The following GPR158 variants were observed in gnomAD, a reference collection of about 807,000 sequenced individuals.
GPR158 encodes the protein metabotropic glycine receptor.
In GPR158, 30 loss-of-function variants were observed where a neutral mutation model predicts 78.2. That is an observed-to-expected ratio of 0.38 (90% CI 0.29 to 0.52). The LOEUF is 0.52. Among genes scored for constraint, GPR158 ranks in the 20% least tolerant of loss-of-function variants. GPR158 has a pLI of 0.83. For missense variants in GPR158, 1,463 were observed against 1,523.5 expected (o/e 0.96, Z 0.66); for synonymous variants, 581 against 591.1 (o/e 0.98, Z 0.25).
intron 1 of GPR158, among the ~76,000 whole-genome samples, chr10:25,192,624 G>A (rs1351915052): frequency 1.3e-5 from 2 of 152,176 alleles, no homozygotes; most frequent in African/African-American, 4.8e-5. Flanking sequence ...TCTTATATAT[G>A]TAAAGAGGCT....
intron 2 of GPR158, among the ~76,000 whole-genome samples, chr10:25,243,622 A>G (rs1256073918): frequency 6.6e-6 from 1 of 152,206 alleles, no homozygotes; most frequent in Non-Finnish European, 1.5e-5. Flanking sequence ...TTCCCTTAAT[A>G]TAAGTTCTCA....
intron 2 of GPR158, among the ~76,000 whole-genome samples, chr10:25,265,596 T>A (rs1393710317): frequency 6.6e-6 from 1 of 152,172 alleles, no homozygotes; most frequent in African/African-American, 2.4e-5. Flanking sequence ...ATGGGAGACA[T>A]GGCATTCTTC....
chr10:25,562,045 A>G (rs1432373257), intron 6 of GPR158, among the ~76,000 whole-genome samples: 1 of 143,456 alleles, frequency 7.0e-6, no homozygotes, highest in Non-Finnish European at 1.5e-5. Context: ...TTTTTTTTGC[A>G]AGAAAGAGAA....
chr10:25,229,274 C>G (rs1190903806), intron 2 of GPR158, among the ~76,000 whole-genome samples: 1 of 152,098 alleles, frequency 6.6e-6, no homozygotes, highest in African/African-American at 2.4e-5. Flanking sequence ...TATTTAGGGA[C>G]TCCCTTTTCC....
At chr10:25,573,883 A>G (rs144551818) in intron 7 of GPR158, among the ~76,000 whole-genome samples, 1 of 151,938 alleles carries the variant, frequency 6.6e-6, no homozygotes, top group African/African-American at 2.4e-5. Flanking sequence ...ATAGTGAAGC[A>G]TATGGGTATG....
intron 2 of GPR158, among the ~76,000 whole-genome samples, chr10:25,324,295 A>G (rs1482981485): frequency 1.3e-5 from 2 of 152,222 alleles, no homozygotes; most frequent in Non-Finnish European, 2.9e-5. Context: ...ACATGCAACT[A>G]TTCCTTTCAC....
intron 2 of GPR158, among the ~76,000 whole-genome samples, chr10:25,353,070 G>A (rs1855497141): frequency 6.6e-6 from 1 of 151,956 alleles, no homozygotes; most frequent in Admixed American, 6.6e-5. Context: ...CCGTGATAAT[G>A]GCTGTTACTA....
intron 2 of GPR158, among the ~76,000 whole-genome samples, chr10:25,328,045 A>G (rs185477060): frequency 6.6e-6 from 1 of 152,344 alleles, no homozygotes; most frequent in Non-Finnish European, 1.5e-5. Context: ...CAGTATAACT[A>G]TAGATAATGC....
At chr10:25,516,312 T>C (rs951837473) in intron 5 of GPR158, among the ~76,000 whole-genome samples, 1 of 148,982 alleles carries the variant, frequency 6.7e-6, no homozygotes, top group African/African-American at 2.5e-5. Context: ...TTCTCCCATG[T>C]TGTAGGTTGC....
At chr10:25,238,482 A>G (rs1853558810) in intron 2 of GPR158, among the ~76,000 whole-genome samples, 1 of 152,258 alleles carries the variant, frequency 6.6e-6, no homozygotes, top group Non-Finnish European at 1.5e-5. Flanking sequence ...TTGAAAAACA[A>G]GACATAAATG....
At chr10:25,555,010 A>G (rs2130715962) in intron 6 of GPR158, among the ~76,000 whole-genome samples, 1 of 152,118 alleles carries the variant, frequency 6.6e-6, no homozygotes, top group South Asian at 2.1e-4. Flanking sequence ...GAGAGAGAGG[A>G]AAGAAAGAAA....
At chr10:25,244,426 A>G (rs2130712119) in intron 2 of GPR158, 1 of 152,306 alleles carries the variant, frequency 6.6e-6, no homozygotes, top group African/African-American at 2.4e-5. Context: ...ACTTAATGCT[A>G]GAAGTTAACA....
At chr10:25,400,441 G>T (rs930479070) in intron 3 of GPR158, among the ~76,000 whole-genome samples, 1 of 152,162 alleles carries the variant, frequency 6.6e-6, no homozygotes, top group Admixed American at 6.5e-5. Flanking sequence ...GAGGCCCACA[G>T]TAAACAAATG....
At chr10:25,222,886 C>T (rs1853319420) in intron 2 of GPR158, among the ~76,000 whole-genome samples, 1 of 152,160 alleles carries the variant, frequency 6.6e-6, no homozygotes, top group South Asian at 2.1e-4. Context: ...CAGTTTGTTA[C>T]AGTTGCTGCT....
At chr10:25,303,728 A>G (rs921724455) in intron 2 of GPR158, among the ~76,000 whole-genome samples, 4 of 152,198 alleles carry the variant, frequency 2.6e-5, no homozygotes, top group African/African-American at 9.6e-5. Context: ...GAGAAAGGCA[A>G]TATGTTTTAT....
chr10:25,197,400 A>G (rs560820956), intron 1 of GPR158, among the ~76,000 whole-genome samples: 17 of 152,248 alleles, frequency 1.1e-4, no homozygotes, highest in African/African-American at 4.1e-4. Flanking sequence ...TGTCTAGCAT[A>G]ATGTCTATTA....
chr10:25,190,788 GCAAATTACCTTAGCA>G (rs775409536), intron 1 of GPR158, among the ~76,000 whole-genome samples: 63 of 152,194 alleles, frequency 4.1e-4, no homozygotes, highest in Non-Finnish European at 8.2e-4. Flanking sequence ...GCTTCATGGT[GCAAATTACCTTAGCA>G]CAAACTGAAG....
At chr10:25,319,197 G>T (rs1854908008) in intron 2 of GPR158, among the ~76,000 whole-genome samples, 1 of 152,066 alleles carries the variant, frequency 6.6e-6, no homozygotes, top group African/African-American at 2.4e-5. Flanking sequence ...CTCTTCTGAG[G>T]TGTCATATCC....
Position 25,598,095 on chromosome 10 carries a change from C to A in GPR158, c.2469C>A (p.His823Gln), listed in dbSNP as rs370087506. Residue 823 changes from histidine to glutamine, a missense_variant, in exon 11 of 11, where the codon CAC becomes CAA. Coordinates refer to ENST00000376351, the MANE Select transcript of GPR158 (RefSeq NM_020752.3). ...SLKKSHSTYD[H>Q]VRDQTEESSS... ...AGAAATCCCACAGCACTTATGACCA[C>A]GTGAGAGACCAAACGGAAGAGTCCA... The A allele has an allele frequency of 2.5e-6, 4 of 1,614,000 alleles. No individual in the cohort carries two copies. Among genetic ancestry groups the A allele is most frequent in the Middle Eastern group, 3.3e-4 (2 of 6,062 alleles).
Sources: allele counts gnomAD v4.1 joint callset (sites outside exome capture counted in the v4.1 genomes callset), GRCh38; gene constraint gnomAD v4.1.1; transcripts MANE v1.5; gene names NCBI Gene and HGNC (gene_info 2026-07-23, HGNC 2026-07-21).